Variants in RNF11 observed in about 807,000 individuals in gnomAD.
The protein encoded by RNF11 is ring finger protein 11.
Under a neutral mutation model 15.8 loss-of-function variants are expected in RNF11, and 4 were observed. The observed-to-expected ratio is 0.25, with a 90% CI of 0.12 to 0.58. The LOEUF (loss-of-function observed/expected upper bound fraction) is 0.58, where lower values mean the gene tolerates loss of function less well. Ranked by LOEUF, RNF11 falls within the 20% of genes least tolerant of loss-of-function variation. The pLI is 0.91. For synonymous variants in RNF11, 68 were observed against 72.3 expected, an observed-to-expected ratio of 0.94 and a Z score of 0.30; for missense variants, 139 against 194.4, an observed-to-expected ratio of 0.71 and a Z score of 1.70.
intron 1 of RNF11, among the ~76,000 whole-genome samples, chr1:51,267,597 G>C (rs1646960808): frequency 6.6e-6 from 1 of 152,228 alleles, no homozygotes. Context: ...TGGAGACTCA[G>C]TGCCCCAGGT....
chr1:51,259,982 T>G (rs1336853060), intron 1 of RNF11, among the ~76,000 whole-genome samples: 1 of 152,240 alleles, frequency 6.6e-6, no homozygotes, highest in African/African-American at 2.4e-5. Flanking sequence ...AGAAATGATA[T>G]TACTTTGTGG....
intron 1 of RNF11, among the ~76,000 whole-genome samples, chr1:51,264,387 T>TA (rs1646946269): frequency 6.7e-6 from 1 of 148,572 alleles, no homozygotes; most frequent in Admixed American, 6.8e-5. Context: ...TCTCTCTGTG[T>TA]AATTGTTCAG....
intron 1 of RNF11, among the ~76,000 whole-genome samples, chr1:51,254,562 C>T (rs569060622): frequency 2.6e-4 from 39 of 152,094 alleles, no homozygotes; most frequent in African/African-American, 9.2e-4. Context: ...TGGGTTCAAA[C>T]GATTCTCCTG....
rs552533578 is a variant in RNF11 at position 51,242,003 on chromosome 1, TAAG to T, written c.123+5125_123+5127del. Among the ~76,000 whole-genome samples the T allele has an allele frequency of 4.0e-4, 61 of 152,342 alleles. No homozygotes were observed. The South Asian group carries it at 0.012, about 31-fold the overall frequency. On this transcript the variant is annotated intron_variant, in intron 1 of 2. Coordinates refer to ENST00000242719, the MANE Select transcript of RNF11 (RefSeq NM_014372.5). ...ATTTTCTAATCTGAATATATAAAAA[TAAG>T]GATAGGTGTCTCTCAATTTTGCAGT...
intron 1 of RNF11, chr1:51,265,314 A>G (rs963124834): frequency 1.7e-4 from 23 of 136,422 alleles, no homozygotes; most frequent in African/African-American, 5.9e-4. Flanking sequence ...ACAGAGTGAG[A>G]CCCTGTCTCC....
At chr1:51,250,615 C>A (rs1646872861) in intron 1 of RNF11, 2 of 703,602 alleles carry the variant, frequency 2.8e-6, no homozygotes, top group Non-Finnish European at 2.5e-6. Flanking sequence ...GTAGCCACAG[C>A]TGGAGCCTGG....
At chr1:51,261,772 C>G (rs867588985) in intron 1 of RNF11, among the ~76,000 whole-genome samples, 1 of 151,896 alleles carries the variant, frequency 6.6e-6, no homozygotes, top group Non-Finnish European at 1.5e-5. Flanking sequence ...ACTGCAAGCT[C>G]GTCCTCCCGG....
chr1:51,270,550 G>A (rs1027775438), intron 2 of RNF11, among the ~76,000 whole-genome samples: 2 of 152,118 alleles, frequency 1.3e-5, no homozygotes, highest in Admixed American at 6.5e-5. Context: ...GTCTCAAAAA[G>A]TAAAATAAAG....
chr1:51,264,317 T>TATATATATACACAC (rs376694497), intron 1 of RNF11, among the ~76,000 whole-genome samples: 3 of 75,516 alleles, frequency 4.0e-5, no homozygotes, highest in African/African-American at 5.7e-5. Flanking sequence ...TATATATATA[T>TATATATATACACAC]ACACACACAC....
intron 1 of RNF11, among the ~76,000 whole-genome samples, chr1:51,260,391 G>T (rs1006280428): frequency 6.6e-6 from 1 of 152,098 alleles, no homozygotes; most frequent in African/African-American, 2.4e-5. Flanking sequence ...TTTGTAAAGC[G>T]TTAATATTCA....
intron 1 of RNF11, among the ~76,000 whole-genome samples, chr1:51,250,243 A>G (rs1424347191): frequency 6.6e-6 from 1 of 152,216 alleles, no homozygotes; most frequent in Non-Finnish European, 1.5e-5. Flanking sequence ...AATGATTACC[A>G]CAGACAAGCT....
chr1:51,264,317 TACACAC>T (rs376270848), intron 1 of RNF11, among the ~76,000 whole-genome samples: 805 of 75,420 alleles, frequency 0.011, 25 homozygotes, highest in African/African-American at 0.04. Flanking sequence ...TATATATATA[TACACAC>T]ACACACACAC....
chr1:51,270,236 C>T lies in RNF11; in HGVS notation c.293+111C>T, dbSNP rs1455837727. 6.8e-6 allele frequency: 5 copies of T among 736,558 alleles called. No individual in the cohort carries two copies. The East Asian group carries it at 1.4e-4, about 20-fold the overall frequency. 45.6% of individuals were successfully genotyped at this position (736,558 alleles called of 1,614,324 possible). A position where few individuals can be genotyped will look rare whatever the true frequency, so the allele number is the denominator to read the frequency against. On this transcript the variant is annotated intron_variant, in intron 2 of 2. Transcript: ENST00000242719. ...GTCAGACATTTAATATATTGAAACACTTCGCTTAATGCAAGAGAATGTTTA... is the reference window on the plus strand; with the variant it reads ...GTCAGACATTTAATATATTGAAACATTTCGCTTAATGCAAGAGAATGTTTA...
intron 1 of RNF11, among the ~76,000 whole-genome samples, chr1:51,239,052 C>T (rs1031944945): frequency 2.0e-5 from 3 of 152,010 alleles, no homozygotes; most frequent in Non-Finnish European, 2.9e-5. Context: ...TTTAAAATCT[C>T]TTATGCTCCC....
intron 1 of RNF11, among the ~76,000 whole-genome samples, chr1:51,267,999 G>A (rs1264280737): frequency 6.6e-6 from 1 of 152,148 alleles, no homozygotes; most frequent in Non-Finnish European, 1.5e-5. Flanking sequence ...TCAAAGTTCT[G>A]GGATTACACG....
intron 1 of RNF11, among the ~76,000 whole-genome samples, chr1:51,269,530 C>T (rs1029187535): frequency 1.3e-5 from 2 of 152,164 alleles, no homozygotes; most frequent in African/African-American, 4.8e-5. Context: ...TCAGTATTGT[C>T]AATTAGTGAC....
At chr1:51,263,544 A>G (rs1391474571) in intron 1 of RNF11, among the ~76,000 whole-genome samples, 1 of 152,120 alleles carries the variant, frequency 6.6e-6, no homozygotes, top group Non-Finnish European at 1.5e-5. Context: ...AGCTCATTTC[A>G]TTTCTCTGCT....
chr1:51,266,097 G>A (rs1351193202), intron 1 of RNF11: 3 of 152,166 alleles, frequency 2.0e-5, no homozygotes, highest in Non-Finnish European at 2.9e-5. Flanking sequence ...AGAAGCTTGC[G>A]TAAGGCCACA....
At chr1:51,238,870 C>G (rs1218552357) in intron 1 of RNF11, among the ~76,000 whole-genome samples, 1 of 152,098 alleles carries the variant, frequency 6.6e-6, no homozygotes. Context: ...GCTGGGATTA[C>G]AGGCGCGTGC....
Sources: allele counts gnomAD v4.1 joint callset (sites outside exome capture counted in the v4.1 genomes callset), GRCh38; gene constraint gnomAD v4.1.1; transcripts MANE v1.5; gene names NCBI Gene and HGNC (gene_info 2026-07-23, HGNC 2026-07-21).